The following CSMD1 variants were observed in gnomAD, a reference collection of about 807,000 sequenced individuals.
CSMD1 encodes the protein CUB and Sushi multiple domains 1.
Under a neutral mutation model 417.5 loss-of-function variants are expected in CSMD1, and 213 were observed. The observed-to-expected ratio is 0.51, with a 90% CI of 0.46 to 0.57. The LOEUF is 0.57. Ranked by LOEUF, CSMD1 falls within the 20% of genes least tolerant of loss-of-function variation. CSMD1 has a pLI of 0.00. For missense variants in CSMD1, 6,923 were observed against 4,529.7 expected, an observed-to-expected ratio of 1.53 and a Z score of -15.17; for synonymous variants, 2,862 against 1,736.8, an observed-to-expected ratio of 1.65 and a Z score of -16.11.
At chr8:3,235,292 T>C (rs764584623) in intron 26 of CSMD1, among the ~76,000 whole-genome samples, 1 of 152,208 alleles carries the variant, frequency 6.6e-6, no homozygotes, top group Non-Finnish European at 1.5e-5. Flanking sequence ...TTTTCATTTC[T>C]CATTCCCATA....
chr8:3,260,990 A>T (rs1220537658), intron 26 of CSMD1, among the ~76,000 whole-genome samples: 1 of 151,110 alleles, frequency 6.6e-6, no homozygotes, highest in African/African-American at 2.5e-5. Context: ...GGGAAAAGGA[A>T]CAACAACAAC....
At chr8:4,668,513 G>C (rs1402488354) in intron 1 of CSMD1, among the ~76,000 whole-genome samples, 2 of 150,146 alleles carry the variant, frequency 1.3e-5, no homozygotes, top group African/African-American at 4.9e-5. Context: ...GCAGTGGCAC[G>C]ATCTCAGCTC....
intron 2 of CSMD1, among the ~76,000 whole-genome samples, chr8:4,532,192 C>T (rs1201233464): frequency 6.7e-6 from 1 of 148,902 alleles, no homozygotes; most frequent in Admixed American, 6.7e-5. Flanking sequence ...CATTCAGTCA[C>T]TCCGGAAGAG....
chr8:4,829,369 C>T (rs1585172695), intron 1 of CSMD1, among the ~76,000 whole-genome samples: 1 of 152,144 alleles, frequency 6.6e-6, no homozygotes, highest in Non-Finnish European at 1.5e-5. Flanking sequence ...CAACACTCTG[C>T]TAAAAGCTAA....
chr8:3,462,122 GC>G (rs11292179), intron 12 of CSMD1, among the ~76,000 whole-genome samples: 98,429 of 149,374 alleles, frequency 0.66, 32,706 homozygotes, highest in African/African-American at 0.78. Flanking sequence ...CAGAATCCAG[GC>G]CCCCCCCCCC....
At chr8:3,471,621 CCTCCCTCT>C (rs1817108017) in intron 11 of CSMD1, among the ~76,000 whole-genome samples, 1 of 145,722 alleles carries the variant, frequency 6.9e-6, no homozygotes, top group African/African-American at 2.5e-5. Flanking sequence ...TCCTTCCTTC[CCTCCCTCT>C]CTCCCTCCCT....
At chr8:3,883,691 T>C (rs555554567) in intron 5 of CSMD1, among the ~76,000 whole-genome samples, 1 of 152,254 alleles carries the variant, frequency 6.6e-6, no homozygotes, top group South Asian at 2.1e-4. Flanking sequence ...TCATGTACCA[T>C]GTATTATGGC....
chr8:3,606,294 C>A (rs1276461695), intron 8 of CSMD1, among the ~76,000 whole-genome samples: 10 of 152,082 alleles, frequency 6.6e-5, no homozygotes. Context: ...GGCCCTTACA[C>A]CCACCCAGAT....
At chr8:3,849,399 C>T (rs1390287331) in intron 5 of CSMD1, among the ~76,000 whole-genome samples, 2 of 152,224 alleles carry the variant, frequency 1.3e-5, no homozygotes, top group Middle Eastern at 3.4e-3. Context: ...CAAGGAAGGA[C>T]GGACGAAAGG....
intron 50 of CSMD1, among the ~76,000 whole-genome samples, chr8:3,037,308 C>T (rs11993528): frequency 0.024 from 3,586 of 147,178 alleles, 179 homozygotes; most frequent in African/African-American, 0.087. Context: ...TGGGTTCACG[C>T]CATTCTCCTG....
At chr8:4,137,585 C>G (rs1297648498) in intron 3 of CSMD1, among the ~76,000 whole-genome samples, 1 of 130,980 alleles carries the variant, frequency 7.6e-6, no homozygotes, top group Non-Finnish European at 1.8e-5. Flanking sequence ...GTTAATGGAA[C>G]TGGTTGGTTT....
chr8:3,813,569 A>T (rs1004581133), intron 5 of CSMD1, among the ~76,000 whole-genome samples: 1 of 152,202 alleles, frequency 6.6e-6, no homozygotes. Flanking sequence ...TCTATAACAC[A>T]ATTTAACAAG....
intron 3 of CSMD1, among the ~76,000 whole-genome samples, chr8:4,040,876 T>C (rs907818183): frequency 6.6e-6 from 1 of 152,208 alleles, no homozygotes; most frequent in Non-Finnish European, 1.5e-5. Flanking sequence ...CAAGATAATG[T>C]TCACTATGTA....
chr8:3,528,197 T>C (rs1053829887), intron 10 of CSMD1, among the ~76,000 whole-genome samples: 1 of 152,258 alleles, frequency 6.6e-6, no homozygotes. Flanking sequence ...AGTTTGATTT[T>C]GTTGCACAAA....
At chr8:4,005,331 T>C (rs1372798092) in intron 4 of CSMD1, among the ~76,000 whole-genome samples, 1 of 152,142 alleles carries the variant, frequency 6.6e-6, no homozygotes, top group African/African-American at 2.4e-5. Flanking sequence ...CAGACATTCA[T>C]TGTACTTGCA....
intron 5 of CSMD1, among the ~76,000 whole-genome samples, chr8:3,901,381 G>A (rs900815098): frequency 2.0e-5 from 3 of 152,102 alleles, no homozygotes; most frequent in African/African-American, 7.2e-5. Flanking sequence ...GTGAAGATGG[G>A]CATATTTCAG....
intron 52 of CSMD1, among the ~76,000 whole-genome samples, chr8:3,014,700 C>A (rs905920984): frequency 6.6e-6 from 1 of 152,118 alleles, no homozygotes; most frequent in Non-Finnish European, 1.5e-5. Flanking sequence ...ATTGCTTGAG[C>A]CCAGGAGTTC....
chr8:3,780,455 T>C (rs1799115005), intron 5 of CSMD1, among the ~76,000 whole-genome samples: 2 of 152,212 alleles, frequency 1.3e-5, no homozygotes, highest in African/African-American at 2.4e-5. Flanking sequence ...TTCACAACTT[T>C]AATGGTTCAA....
rs535584970 is a variant in CSMD1 at position 4,910,860 on chromosome 8, C to T, written c.85+83472G>A. ...GATATGGTTTGGCTGTGTCCCCACCCAAATCTCATCTTGAATTCCCATGTG... is the reference window on the plus strand; with the variant it reads ...GATATGGTTTGGCTGTGTCCCCACCTAAATCTCATCTTGAATTCCCATGTG... On this transcript the variant is annotated intron_variant, in intron 1 of 69. Coordinates refer to ENST00000635120, the MANE Select transcript of CSMD1 (RefSeq NM_033225.6). 3.9e-5 allele frequency among the ~76,000 whole-genome samples: 6 copies of T among 152,256 alleles called. No individual in the cohort carries two copies. In the South Asian group the frequency reaches 1.2e-3, roughly 32 times the overall value.
Sources: gnomAD v4.1 joint callset for allele counts (sites outside exome capture counted in the v4.1 genomes callset) on GRCh38, gnomAD v4.1.1 for gene constraint, MANE v1.5 for transcripts, NCBI Gene and HGNC (gene_info 2026-07-23, HGNC 2026-07-21) for gene names.